The following MIB1 variants were observed in gnomAD, a reference collection of about 807,000 sequenced individuals.
MIB1 encodes E3 ubiquitin-protein ligase MIB1.
A neutral mutation model predicts 124.5 loss-of-function variants in MIB1; 278 were observed. The ratio of observed to expected loss-of-function variants is 2.23; its 90% CI spans 2.02 to 2.47. MIB1 has a LOEUF of 2.47. Among genes scored for constraint, MIB1 ranks in the 30% most tolerant of loss-of-function variants. The pLI, the probability that MIB1 is intolerant of heterozygous loss-of-function variation, is 0.00. For missense variants in MIB1, 957 were observed against 1,254.4 expected (o/e 0.76, Z 3.58); for synonymous variants, 446 against 429.4 (o/e 1.04, Z -0.48).
At chr18:21,740,578 G>C (rs2040833326), upstream of MIB1, among the ~76,000 whole-genome samples, 1 of 152,206 alleles carries the variant, frequency 6.6e-6, no homozygotes, top group Non-Finnish European at 1.5e-5. Flanking sequence ...CATCACAGCC[G>C]CACAGCTCCA....
At chr18:21,849,061 A>G in intron 16 of MIB1, 135 bp from the exon 17 acceptor site, 1 of 552,468 alleles carries the variant, frequency 1.8e-6, no homozygotes, top group Non-Finnish European at 3.1e-6. Flanking sequence ...TGTTTCACAT[A>G]CAGATGTTAA....
chr18:21,836,454 T>C (rs888603171), intron 12 of MIB1, among the ~76,000 whole-genome samples: 1 of 152,114 alleles, frequency 6.6e-6, no homozygotes, highest in Non-Finnish European at 1.5e-5. Flanking sequence ...ACAAAACTTA[T>C]AATGAAAGAG....
chr18:21,779,421 C>T (rs1322528130), intron 5 of MIB1, 60 bp from the exon 6 acceptor site: 1 of 1,297,858 alleles, frequency 7.7e-7, no homozygotes, highest in African/African-American at 1.5e-5. Context: ...AAAGATAATG[C>T]AGCTGCCTGT....
Position 21,819,478 on chromosome 18 carries a change from T to C in MIB1, c.1678-17T>C, listed in dbSNP as rs747484362. The C allele has an allele frequency of 6.5e-7, 1 of 1,536,490 alleles. No homozygotes were observed. Among genetic ancestry groups the C allele is most frequent in the South Asian group, 1.2e-5 (1 of 84,182 alleles). ...TAATTAATTGAAGAACTAATGAAAA[T>C]TTCTTTAAACTTAAAGGATTCTGAA... is the stretch of plus-strand genomic sequence containing the variant. On this transcript the variant is annotated splice_polypyrimidine_tract_variant and intron_variant, in intron 11 of 20. Coordinates refer to ENST00000261537, the MANE Select transcript of MIB1 (RefSeq NM_020774.4).
At chr18:21,737,991 A>G (rs2040803572), upstream of MIB1, among the ~76,000 whole-genome samples, 1 of 152,210 alleles carries the variant, frequency 6.6e-6, no homozygotes, top group Non-Finnish European at 1.5e-5. Flanking sequence ...TAACAAGGAT[A>G]TCCAGGACTG....
At chr18:21,777,871 C>G (rs1044650298) in intron 4 of MIB1, among the ~76,000 whole-genome samples, 2 of 152,124 alleles carry the variant, frequency 1.3e-5, no homozygotes, top group African/African-American at 4.8e-5. Flanking sequence ...TTCAGACATT[C>G]TAATTTTGAG....
rs773689528 is a variant in MIB1, at chr18:21,741,658, G to A, written c.75G>A (p.Lys25=). The change falls in exon 1 of 21, where the codon AAG becomes AAA. Residue 25 remains lysine (K), a synonymous_variant. Transcript: ENST00000261537. The surrounding 1 kb of genome is among the most constrained non-coding windows in gnomAD (Gnocchi z 5.4). The part of the protein sequence containing the change: ...GARVVRGPDW[K]WGKQDGGEGH... Reference sequence around the variant, plus strand: ...GGGTAGTGCGCGGCCCGGACTGGAAGTGGGGGAAGCAGGACGGCGGCGAGG... The same window carrying A: ...GGGTAGTGCGCGGCCCGGACTGGAAATGGGGGAAGCAGGACGGCGGCGAGG... The A allele has an allele frequency of 3.7e-6, 6 of 1,611,184 alleles. No individual in the cohort carries two copies. The highest frequency in any genetic ancestry group is 1.1e-5 in the South Asian group (1 of 90,746).
intron 13 of MIB1, 36 bp from the exon 14 acceptor site, chr18:21,843,095 A>G (rs1437655583): frequency 1.3e-6 from 2 of 1,511,922 alleles, no homozygotes; most frequent in East Asian, 2.3e-5. Context: ...ACTGTTGTCA[A>G]ATTTTAACCA....
At chr18:21,843,027 G>A (rs2042104890) in intron 13 of MIB1, 104 bp from the exon 14 acceptor site, 11 of 714,078 alleles carry the variant, frequency 1.5e-5, no homozygotes, top group Middle Eastern at 3.2e-4. Flanking sequence ...GGAGAAAGTA[G>A]CCAGCAGTGT....
rs375289252 is a variant in MIB1 at position 21,744,853 on chromosome 18, A to G, written c.229+3041A>G. Among the ~76,000 whole-genome samples, 23 of 152,332 alleles carry G rather than the reference A, an allele frequency of 1.5e-4. No homozygotes were observed. The South Asian group carries it at 3.9e-3, about 26-fold the overall frequency. ...ACCAACTGTTGCTTTTGTACCAGCA[A>G]TGTGATGCCAGTATGAAAAAGATAA... On this transcript the variant is annotated intron_variant, in intron 1 of 20. Transcript: ENST00000261537.
chr18:21,754,706 T>A (rs1424186615), intron 1 of MIB1, among the ~76,000 whole-genome samples: 5 of 152,214 alleles, frequency 3.3e-5, no homozygotes, highest in Non-Finnish European at 5.9e-5. Flanking sequence ...CGTCTATCCA[T>A]GAAATTGTGA....
intron 1 of MIB1, among the ~76,000 whole-genome samples, chr18:21,707,421 C>G (rs1028390157): frequency 1.3e-5 from 2 of 152,188 alleles, no homozygotes; most frequent in African/African-American, 4.8e-5. Context: ...GCAGGCTGCC[C>G]GAGCCAGCAG....
At chr18:21,836,777 A>G (rs563742297) in intron 12 of MIB1, among the ~76,000 whole-genome samples, 28 of 152,184 alleles carry the variant, frequency 1.8e-4, no homozygotes, top group Non-Finnish European at 3.7e-4. Flanking sequence ...TACCCCTGTA[A>G]ATTTTGTTTC....
intron 1 of MIB1, among the ~76,000 whole-genome samples, chr18:21,716,776 C>T (rs541211474): frequency 5.9e-4 from 89 of 152,092 alleles, no homozygotes; most frequent in Non-Finnish European, 1.1e-3. Context: ...GGCGTGAAGC[C>T]GGGAGGTGGA....
chr18:21,819,784 C>A, intron 12 of MIB1, 138 bp downstream of exon 12: 1 of 461,348 alleles, frequency 2.2e-6, no homozygotes. Context: ...GAATATTATG[C>A]CTTTAGTTTT....
intron 1 of MIB1, among the ~76,000 whole-genome samples, chr18:21,761,248 A>G (rs1372978904): frequency 1.3e-5 from 2 of 151,560 alleles, no homozygotes; most frequent in Non-Finnish European, 2.9e-5. Flanking sequence ...TTTAAGGTAA[A>G]TTGTGAAACC....
intron 1 of MIB1, among the ~76,000 whole-genome samples, chr18:21,714,316 A>G (rs2040679080): frequency 6.6e-6 from 1 of 152,090 alleles, no homozygotes; most frequent in African/African-American, 2.4e-5. Flanking sequence ...AAAGTGCACA[A>G]ATGCTAGATC....
intron 6 of MIB1, among the ~76,000 whole-genome samples, chr18:21,783,951 C>G (rs914975826): frequency 2.2e-4 from 34 of 151,886 alleles, no homozygotes; most frequent in Middle Eastern, 3.2e-3. Flanking sequence ...CGATGTTGCC[C>G]AGGCTGGTCT....
intron 18 of MIB1, among the ~76,000 whole-genome samples, chr18:21,856,352 GTTTATAGCCT>G (rs2042228626): frequency 6.6e-6 from 1 of 150,888 alleles, no homozygotes; most frequent in Non-Finnish European, 1.5e-5. Context: ...CTGAAATATT[GTTTATAGCCT>G]TTGTAAATCA....
Sources: allele counts gnomAD v4.1 joint callset (sites outside exome capture counted in the v4.1 genomes callset), GRCh38; gene constraint gnomAD v4.1.1; non-coding constraint Gnocchi (gnomAD v3.1); transcripts MANE v1.5; gene names NCBI Gene and HGNC (gene_info 2026-07-23, HGNC 2026-07-21).